Variants in NR2F1-AS1 observed in about 807,000 individuals in gnomAD.
NR2F1-AS1 encodes NR2F1 antisense RNA 1.
At chr5:93,538,546 T>C (rs1009622881) in intron 4 of NR2F1-AS1, among the ~76,000 whole-genome samples, 8 of 152,144 alleles carry the variant, frequency 5.3e-5, no homozygotes, top group African/African-American at 1.9e-4. Context: ...CAACAAACAA[T>C]GCTGCACGAA....
At chr5:93,441,443 A>C (rs1223805577) in intron 4 of NR2F1-AS1, among the ~76,000 whole-genome samples, 1 of 152,198 alleles carries the variant, frequency 6.6e-6, no homozygotes, top group Non-Finnish European at 1.5e-5. Flanking sequence ...GCAGGTTTCA[A>C]GAATGTCTGT....
intron 4 of NR2F1-AS1, among the ~76,000 whole-genome samples, chr5:93,425,001 C>T (rs543546287): frequency 6.6e-6 from 1 of 152,336 alleles, no homozygotes; most frequent in South Asian, 2.1e-4. Context: ...TTTAGCTTCT[C>T]CCTCTCCTAC....
intron 4 of NR2F1-AS1, among the ~76,000 whole-genome samples, chr5:93,419,751 C>A (rs1243435872): frequency 2.0e-5 from 3 of 152,134 alleles, no homozygotes; most frequent in Admixed American, 6.5e-5. Flanking sequence ...ATTGACACCC[C>A]TTTCCTCTCC....
chr5:93,579,596 C>G lies in NR2F1-AS1; in HGVS notation n.313+871G>C, dbSNP rs981873621. ...AGGCCTCCTCGCTTCCGAGACCCCC[C>G]AGCCCCCGGGTGCAGTCCCCAGCAT... On this transcript the variant is annotated intron_variant and non_coding_transcript_variant, in intron 1 of 5. Transcript: ENST00000660523. This position sits in a 1 kb window ranked among gnomAD's most constrained non-coding sequence, Gnocchi z 5.1. Among the ~76,000 whole-genome samples, 15 of 152,222 alleles carry G rather than the reference C, an allele frequency of 9.9e-5. No homozygotes were observed. Among genetic ancestry groups the G allele is most frequent in the African/African-American group, 3.6e-4 (15 of 41,560 alleles).
chr5:93,533,598 T>C (rs1394149377), intron 4 of NR2F1-AS1, among the ~76,000 whole-genome samples: 1 of 152,166 alleles, frequency 6.6e-6, no homozygotes, highest in African/African-American at 2.4e-5. Flanking sequence ...TTCTCTTTTT[T>C]AATCTAAGAA....
At chr5:93,533,124 C>T (rs1751767891) in intron 4 of NR2F1-AS1, among the ~76,000 whole-genome samples, 1 of 152,184 alleles carries the variant, frequency 6.6e-6, no homozygotes, top group African/African-American at 2.4e-5. Context: ...TCCATTATCT[C>T]CAGCATGTTT....
chr5:93,478,801 ATCC>A (rs1463969808), intron 4 of NR2F1-AS1, among the ~76,000 whole-genome samples: 1 of 152,152 alleles, frequency 6.6e-6, no homozygotes, highest in African/African-American at 2.4e-5. Context: ...TTTATTGATG[ATCC>A]TCATGTTTTA....
intron 1 of NR2F1-AS1, among the ~76,000 whole-genome samples, chr5:93,577,836 G>C (rs1169877277): frequency 6.6e-6 from 1 of 152,154 alleles, no homozygotes; most frequent in African/African-American, 2.4e-5. Context: ...AACGGGGTTA[G>C]TTCTGTTCTG....
chr5:93,532,610 T>G (rs761460437), intron 4 of NR2F1-AS1, among the ~76,000 whole-genome samples: 1 of 152,348 alleles, frequency 6.6e-6, no homozygotes, highest in Non-Finnish European at 1.5e-5. Flanking sequence ...GTTTACGAAT[T>G]TGAAGTCTTA....
chr5:93,553,789 G>T (rs1363389493), exon 4 of NR2F1-AS1: 1 of 152,178 alleles, frequency 6.6e-6, no homozygotes, highest in Admixed American at 6.5e-5. Flanking sequence ...GCAAGTTGTT[G>T]TTCCATAGTT....
At chr5:93,456,568 G>A (rs1430748221) in intron 4 of NR2F1-AS1, among the ~76,000 whole-genome samples, 1 of 151,990 alleles carries the variant, frequency 6.6e-6, no homozygotes, top group Non-Finnish European at 1.5e-5. Flanking sequence ...ATCCTAGTAA[G>A]CCTTTTTGTA....
At chr5:93,532,485 T>C (rs890977780) in intron 4 of NR2F1-AS1, among the ~76,000 whole-genome samples, 2 of 152,122 alleles carry the variant, frequency 1.3e-5, no homozygotes, top group Non-Finnish European at 2.9e-5. Flanking sequence ...AGAAGGCCTG[T>C]GTGTGAACTA....
chr5:93,566,429 T>C (rs1272658517), intron 1 of NR2F1-AS1, among the ~76,000 whole-genome samples: 1 of 152,086 alleles, frequency 6.6e-6, no homozygotes, highest in African/African-American at 2.4e-5. Context: ...ATTAAATCAA[T>C]ATAATTTTCA....
At chr5:93,491,162 G>A (rs1368512036) in intron 4 of NR2F1-AS1, among the ~76,000 whole-genome samples, 1 of 151,646 alleles carries the variant, frequency 6.6e-6, no homozygotes, top group East Asian at 1.9e-4. Context: ...TATGGTGGTT[G>A]TGGTTATGGT....
At chr5:93,534,467 G>C (rs1751798461) in intron 4 of NR2F1-AS1, among the ~76,000 whole-genome samples, 1 of 152,026 alleles carries the variant, frequency 6.6e-6, no homozygotes, top group South Asian at 2.1e-4. Context: ...ATAAGAATTA[G>C]ATAAGAAATA....
intron 4 of NR2F1-AS1, among the ~76,000 whole-genome samples, chr5:93,459,171 C>G (rs903659889): frequency 4.9e-4 from 75 of 152,016 alleles, no homozygotes; most frequent in Non-Finnish European, 6.2e-4. Context: ...AATAGACAAG[C>G]TTTAAAGCTT....
chr5:93,483,017 G>A (rs962370088), intron 4 of NR2F1-AS1, among the ~76,000 whole-genome samples: 5 of 152,214 alleles, frequency 3.3e-5, no homozygotes, highest in African/African-American at 1.2e-4. Context: ...AGCTGTGGGT[G>A]CAGCTTCAGC....
At chr5:93,563,613 A>G (rs960913727) in intron 1 of NR2F1-AS1, 4 of 152,228 alleles carry the variant, frequency 2.6e-5, no homozygotes, top group Non-Finnish European at 5.9e-5. Flanking sequence ...GAAAGAAAGT[A>G]TATTTAGTAA....
upstream of NR2F1-AS1, chr5:93,585,520 T>C (rs1192633777): frequency 7.2e-7 from 1 of 1,394,700 alleles, no homozygotes; most frequent in Non-Finnish European, 1.0e-6. Context: ...CTCCCCGCGC[T>C]TCGCCCGCCT....
Sources: allele counts gnomAD v4.1 joint callset (sites outside exome capture counted in the v4.1 genomes callset), GRCh38; gene constraint gnomAD v4.1.1; non-coding constraint Gnocchi (gnomAD v3.1); transcripts MANE v1.5; gene names NCBI Gene and HGNC (gene_info 2026-07-23, HGNC 2026-07-21).